Variants in SCAPER observed in about 807,000 individuals in gnomAD.
The protein encoded by SCAPER is S phase cyclin A-associated protein in the endoplasmic reticulum.
A neutral mutation model predicts 182.2 loss-of-function variants in SCAPER; 98 were observed. The observed-to-expected ratio is 0.54, with a 90% CI of 0.46 to 0.64. The LOEUF is 0.64. SCAPER is among the 30% of genes least tolerant of loss of function. The pLI is 0.00. For missense variants in SCAPER, 1,432 were observed against 1,690.0 expected, an observed-to-expected ratio of 0.85 and a Z score of 2.68; for synonymous variants, 605 against 564.6, an observed-to-expected ratio of 1.07 and a Z score of -1.01.
At chr15:76,375,684 C>T (rs972849385) in intron 29 of SCAPER, among the ~76,000 whole-genome samples, 3 of 152,010 alleles carry the variant, frequency 2.0e-5, no homozygotes, top group Non-Finnish European at 4.4e-5. Context: ...TAGTTCTTAT[C>T]AAATCTATTT....
intron 24 of SCAPER, among the ~76,000 whole-genome samples, chr15:76,483,345 T>C (rs2143018728): frequency 6.7e-6 from 1 of 149,852 alleles, no homozygotes; most frequent in East Asian, 1.9e-4. Flanking sequence ...TTCACAAAAG[T>C]TAATTCAAGA....
chr15:76,833,056 TC>T (rs2068641353), intron 5 of SCAPER, among the ~76,000 whole-genome samples: 1 of 151,530 alleles, frequency 6.6e-6, no homozygotes, highest in Non-Finnish European at 1.5e-5. Context: ...AAGACAACCA[TC>T]CCCCAGACAC....
intron 1 of SCAPER, among the ~76,000 whole-genome samples, chr15:76,904,271 ATAAG>A (rs2074950071): frequency 6.6e-6 from 1 of 152,202 alleles, no homozygotes; most frequent in African/African-American, 2.4e-5. Flanking sequence ...CATTCATAAA[ATAAG>A]TATTACTCCT....
chr15:76,420,586 C>G (rs11632222), intron 26 of SCAPER, among the ~76,000 whole-genome samples: 42,730 of 151,984 alleles, frequency 0.28, 7,024 homozygotes, highest in East Asian at 0.58. Flanking sequence ...ATAAACTTAA[C>G]AAGATAAAAT....
intron 29 of SCAPER, among the ~76,000 whole-genome samples, chr15:76,371,249 G>C (rs969603852): frequency 2.6e-5 from 4 of 151,864 alleles, no homozygotes; most frequent in African/African-American, 9.7e-5. Flanking sequence ...AGAGACAAGA[G>C]ATGGCAAGAA....
At chr15:76,586,228 G>A (rs1015374756) in intron 22 of SCAPER, among the ~76,000 whole-genome samples, 2 of 152,062 alleles carry the variant, frequency 1.3e-5, no homozygotes, top group Non-Finnish European at 2.9e-5. Flanking sequence ...TTGTAAAAGT[G>A]TAAAAAAAGA....
At chr15:76,747,246 G>A (rs989296124) in intron 15 of SCAPER, among the ~76,000 whole-genome samples, 12 of 152,176 alleles carry the variant, frequency 7.9e-5, no homozygotes, top group Non-Finnish European at 1.6e-4. Context: ...GCTCACACCT[G>A]TAATCCCAGC....
chr15:76,450,930 A>G (rs1266309518), intron 25 of SCAPER, among the ~76,000 whole-genome samples: 1 of 152,242 alleles, frequency 6.6e-6, no homozygotes, highest in African/African-American at 2.4e-5. Flanking sequence ...TAATTTTGAC[A>G]TATACGCGTC....
intron 31 of SCAPER, chr15:76,350,279 C>T (rs2040446936): frequency 6.7e-6 from 1 of 148,616 alleles, no homozygotes; most frequent in Admixed American, 6.7e-5. Flanking sequence ...AATAAAACGT[C>T]TTTTTTTTTT....
chr15:76,692,311 C>T (rs1308757968), intron 20 of SCAPER, among the ~76,000 whole-genome samples: 1 of 152,058 alleles, frequency 6.6e-6, no homozygotes, highest in Non-Finnish European at 1.5e-5. Flanking sequence ...AAACAGGATA[C>T]AGAAAAATCA....
At chr15:76,637,545 T>A (rs1038544427) in intron 21 of SCAPER, among the ~76,000 whole-genome samples, 1 of 149,204 alleles carries the variant, frequency 6.7e-6, no homozygotes, top group African/African-American at 2.5e-5. Flanking sequence ...ACACACAAAA[T>A]TTTTTTTTTA....
intron 23 of SCAPER, among the ~76,000 whole-genome samples, chr15:76,509,723 T>C (rs2041875586): frequency 1.3e-5 from 2 of 151,720 alleles, no homozygotes; most frequent in African/African-American, 4.8e-5. Flanking sequence ...GAAAAAACAA[T>C]CCTAAAAATC....
At chr15:76,741,296 T>C (rs1201953264) in intron 15 of SCAPER, among the ~76,000 whole-genome samples, 1 of 152,164 alleles carries the variant, frequency 6.6e-6, no homozygotes, top group Non-Finnish European at 1.5e-5. Flanking sequence ...GAGTTTCCTT[T>C]GCTATGTTGC....
intron 29 of SCAPER, among the ~76,000 whole-genome samples, chr15:76,364,608 G>A (rs573578368): frequency 6.6e-6 from 1 of 152,272 alleles, no homozygotes; most frequent in African/African-American, 2.4e-5. Context: ...CTTGGTACCA[G>A]TAGCAGAGGA....
chr15:76,589,123 A>G (rs2048914578), intron 22 of SCAPER, among the ~76,000 whole-genome samples: 3 of 152,154 alleles, frequency 2.0e-5, no homozygotes, highest in African/African-American at 4.8e-5. Context: ...GGAGATGGCA[A>G]GGGAATGAAA....
intron 14 of SCAPER, among the ~76,000 whole-genome samples, chr15:76,762,066 AAGTCTGTTTTGTCTAAGTTT>A (rs1316546395): frequency 6.6e-6 from 1 of 152,148 alleles, no homozygotes; most frequent in Non-Finnish European, 1.5e-5. Flanking sequence ...TCTTGTCCTA[AAGTCTGTTTTGTCTAAGTTT>A]AGCCACTTCT....
intron 15 of SCAPER, among the ~76,000 whole-genome samples, chr15:76,743,751 C>A (rs1171114820): frequency 6.6e-6 from 1 of 151,988 alleles, no homozygotes; most frequent in African/African-American, 2.4e-5. Context: ...CCTATCAAAC[C>A]ACCAGTGGCA....
intron 24 of SCAPER, among the ~76,000 whole-genome samples, chr15:76,473,620 G>A (rs1172343527): frequency 1.3e-5 from 2 of 152,104 alleles, no homozygotes; most frequent in Non-Finnish European, 2.9e-5. Flanking sequence ...GCAGTATTGG[G>A]AACTTGTAAG....
chr15:76,703,165 C>G (rs954416691), intron 18 of SCAPER, among the ~76,000 whole-genome samples, 163 bp from the exon 19 acceptor site: 1 of 152,174 alleles, frequency 6.6e-6, no homozygotes, highest in Non-Finnish European at 1.5e-5. Flanking sequence ...TTTAATATCA[C>G]CCACATGAAC....
Sources: gnomAD v4.1 joint callset for allele counts (sites outside exome capture counted in the v4.1 genomes callset) on GRCh38, gnomAD v4.1.1 for gene constraint, MANE v1.5 for transcripts, NCBI Gene and HGNC (gene_info 2026-07-23, HGNC 2026-07-21) for gene names.